Variants in DPP6 observed in about 807,000 individuals in gnomAD.
The protein encoded by DPP6 is dipeptidyl peptidase like 6.
DPP6 carries 69 observed loss-of-function variants against 122.6 expected under a neutral mutation model. The observed-to-expected ratio is 0.56, with a 90% CI of 0.46 to 0.69. DPP6 has a LOEUF of 0.69. DPP6 is among the 30% of genes least tolerant of loss of function. The pLI, the probability that DPP6 is intolerant of heterozygous loss-of-function variation, is 0.00. For missense variants in DPP6, 928 were observed against 1,116.9 expected, an observed-to-expected ratio of 0.83 and a Z score of 2.41; for synonymous variants, 418 against 433.1, an observed-to-expected ratio of 0.97 and a Z score of 0.43.
chr7:154,611,923 AG>A (rs1466648332), intron 5 of DPP6, among the ~76,000 whole-genome samples: 1 of 152,066 alleles, frequency 6.6e-6, no homozygotes, highest in African/African-American at 2.4e-5. Flanking sequence ...TTATATGTGT[AG>A]GTTTGTGTAA....
At chr7:154,271,250 G>A (rs181449286) in intron 1 of DPP6, among the ~76,000 whole-genome samples, 19 of 152,212 alleles carry the variant, frequency 1.2e-4, no homozygotes, top group Admixed American at 3.3e-4. Flanking sequence ...TTTATGTGTC[G>A]ATCCAATCAG....
At chr7:154,654,198 T>C (rs968001982) in intron 6 of DPP6, among the ~76,000 whole-genome samples, 45 of 152,186 alleles carry the variant, frequency 3.0e-4, no homozygotes, top group African/African-American at 9.6e-4. Context: ...CATCTGTGGA[T>C]TTTGGTATCT....
chr7:153,909,421 A>G (rs2129002362), intron 1 of DPP6, among the ~76,000 whole-genome samples: 1 of 112,040 alleles, frequency 8.9e-6, no homozygotes, highest in South Asian at 2.9e-4. Flanking sequence ...ACATGCTTTT[A>G]CATTTATCTA....
chr7:154,824,925 G>C (rs1172999768), intron 16 of DPP6, among the ~76,000 whole-genome samples: 2 of 152,132 alleles, frequency 1.3e-5, no homozygotes, highest in Non-Finnish European at 2.9e-5. Context: ...ACTCAGCTCT[G>C]GTCAGTCATT....
intron 1 of DPP6, among the ~76,000 whole-genome samples, chr7:154,379,319 G>C (rs1813393737): frequency 1.3e-5 from 2 of 151,940 alleles, no homozygotes; most frequent in South Asian, 4.2e-4. Flanking sequence ...GGGATCACTT[G>C]GACACAGGGC....
Position 154,880,950 on chromosome 7 carries a change from T to C in DPP6, c.2133+8T>C. The C allele has an allele frequency of 6.2e-7, 1 of 1,613,878 alleles. No individual in the cohort carries two copies. The highest frequency in any genetic ancestry group is 8.5e-7 in the Non-Finnish European group (1 of 1,179,824). ...GTGGCCGTGTTTGGGAAGGTGAGTC[T>C]GCGCCACCCTGGTCTGAAAACCCCT... On this transcript the variant is annotated splice_region_variant and intron_variant, in intron 21 of 25. Coordinates refer to ENST00000377770, the MANE Select transcript of DPP6 (RefSeq NM_130797.4).
chr7:153,826,135 T>C, the DPP6 span, among the ~76,000 whole-genome samples: 2 of 152,260 alleles, frequency 1.3e-5, no homozygotes, highest in South Asian at 4.1e-4. Flanking sequence ...TTAATACCAC[T>C]GGGAAACTGA....
At chr7:153,925,365 G>T (rs35599775) in intron 1 of DPP6, among the ~76,000 whole-genome samples, 3 of 150,296 alleles carry the variant, frequency 2.0e-5, no homozygotes, top group African/African-American at 7.3e-5. Flanking sequence ...GGTCCCTGCA[G>T]TTCTGATGAA....
intron 2 of DPP6, among the ~76,000 whole-genome samples, chr7:154,466,520 A>G (rs1055193389): frequency 1.3e-5 from 2 of 152,072 alleles, no homozygotes; most frequent in Non-Finnish European, 2.9e-5. Flanking sequence ...GAGTGCACAT[A>G]TGTGTGCCTG....
intron 1 of DPP6, among the ~76,000 whole-genome samples, chr7:154,293,744 T>G (rs1012118736): frequency 1.3e-5 from 2 of 152,242 alleles, no homozygotes; most frequent in African/African-American, 4.8e-5. Context: ...CTGTCTGCAT[T>G]GCTTTGCAGA....
chr7:154,741,501 G>A (rs547544385), intron 8 of DPP6, among the ~76,000 whole-genome samples: 99 of 152,314 alleles, frequency 6.5e-4, no homozygotes, highest in African/African-American at 2.3e-3. Context: ...GGAAGAAAGC[G>A]AGCCAGCCAG....
rs117751743 is a variant in DPP6, at chr7:154,325,653, C to T, written c.244-120561C>T. Among the ~76,000 whole-genome samples, 1,041 of 152,110 alleles carry T rather than the reference C, an allele frequency of 6.8e-3. 26 individuals are homozygous for T. The highest frequency in any genetic ancestry group is 0.057 in the East Asian group (293 of 5,174). On this transcript the variant is annotated intron_variant, in intron 1 of 25. Coordinates refer to ENST00000377770, the MANE Select transcript of DPP6 (RefSeq NM_130797.4). ...ACTCTAATGATTCAGAAAGTTGGTT[C>T]TTTATTTTTGCTTTATTTTCATTAG...
In DPP6 at chr7:154,241,186, T is replaced by TGCGTGC. The variant is rs767081629; in HGVS notation, c.243+188124_243+188125insCGTGCG. On this transcript the variant is annotated intron_variant, in intron 1 of 25. Coordinates refer to ENST00000377770, the MANE Select transcript of DPP6 (RefSeq NM_130797.4). The surrounding 1 kb of genome is among the most constrained non-coding windows in gnomAD (Gnocchi z 9.0). ...CACAGTAGGTAATTCAATATCAATATGTGTGTGTGTGTGTGTGTGTGTGTG... is the reference window on the plus strand; with the variant it reads ...CACAGTAGGTAATTCAATATCAATATGCGTGCGTGTGTGTGTGTGTGTGTGTGTGTG... 3.9e-5 allele frequency among the ~76,000 whole-genome samples: 1 copy of TGCGTGC among 25,734 alleles called. No homozygotes were observed. The highest frequency in any genetic ancestry group is 7.7e-5 in the African/African-American group (1 of 12,910). The allele number at this position is 25,734 out of a possible 152,430, so 16.9% of individuals were successfully genotyped here.
the DPP6 span, among the ~76,000 whole-genome samples, chr7:153,824,244 C>T: frequency 6.6e-6 from 1 of 151,976 alleles, no homozygotes; most frequent in African/African-American, 2.4e-5. Flanking sequence ...CAAAAATTAG[C>T]CAGTGAGGTG....
chr7:154,425,857 G>A (rs1172283107), intron 1 of DPP6, among the ~76,000 whole-genome samples: 1 of 151,928 alleles, frequency 6.6e-6, no homozygotes. Flanking sequence ...TGCCCAGGCT[G>A]ATTTTGAACT....
At position 154,756,251 on chromosome 7, in the gene DPP6, G is replaced by A. The variant is rs1047925902; in HGVS notation, c.884-13166G>A. On this transcript the variant is annotated intron_variant, in intron 8 of 25. Coordinates refer to ENST00000377770, the MANE Select transcript of DPP6 (RefSeq NM_130797.4). ...CACCAGGCCCCAGGTCAGAAGGCTC[G>A]GCAGCGCCCCACACTTGGCTTTCGG... Among the ~76,000 whole-genome samples, 10 of 152,126 alleles carry A rather than the reference G, an allele frequency of 6.6e-5. No homozygotes were observed. In the East Asian group the frequency reaches 1.4e-3, roughly 21 times the overall value.
chr7:154,066,733 C>T (rs1019904029), intron 1 of DPP6, among the ~76,000 whole-genome samples: 5 of 151,836 alleles, frequency 3.3e-5, no homozygotes, highest in Non-Finnish European at 7.3e-5. Context: ...AGATTTTATT[C>T]ATTCATCTAT....
At chr7:153,763,521 T>A in the DPP6 span, among the ~76,000 whole-genome samples, 1 of 152,148 alleles carries the variant, frequency 6.6e-6, no homozygotes, top group Non-Finnish European at 1.5e-5. Context: ...TCTATGAGGC[T>A]TTGTGGCGAG....
chr7:153,787,251 C>T, the DPP6 span, among the ~76,000 whole-genome samples: 338 of 145,464 alleles, frequency 2.3e-3, 20 homozygotes, highest in African/African-American at 7.9e-3. Flanking sequence ...CGCCCGGCCA[C>T]GGAAGATTTC....
Sources: allele counts gnomAD v4.1 joint callset (sites outside exome capture counted in the v4.1 genomes callset), GRCh38; gene constraint gnomAD v4.1.1; non-coding constraint Gnocchi (gnomAD v3.1); transcripts MANE v1.5; gene names NCBI Gene and HGNC (gene_info 2026-07-23, HGNC 2026-07-21).